Variants in USP12 observed in about 807,000 individuals in gnomAD.
The protein encoded by USP12 is ubiquitin specific peptidase 12.
Under a neutral mutation model 45.5 loss-of-function variants are expected in USP12, and 19 were observed. That is an observed-to-expected ratio of 0.42 (90% CI 0.29 to 0.61). The LOEUF is 0.61. Ranked by LOEUF, USP12 falls within the 20% of genes least tolerant of loss-of-function variation. USP12 has a pLI of 0.22. For missense variants in USP12, 242 were observed against 447.7 expected (o/e 0.54, Z 4.15); for synonymous variants, 149 against 148.8 (o/e 1.00, Z -0.01).
intron 6 of USP12, among the ~76,000 whole-genome samples, chr13:27,083,128 CCTGG>C (rs1380893279): frequency 6.6e-6 from 1 of 152,208 alleles, no homozygotes; most frequent in Non-Finnish European, 1.5e-5. Flanking sequence ...AGTCACTGCA[CCTGG>C]CTAAGTTCAT....
intron 1 of USP12, among the ~76,000 whole-genome samples, chr13:27,138,118 C>T (rs982051275): frequency 2.0e-5 from 3 of 152,232 alleles, no homozygotes; most frequent in African/African-American, 4.8e-5. Context: ...GCAGAGGGCA[C>T]GGCTTACCTA....
At chr13:27,088,517 A>G (rs1057125463) in intron 6 of USP12, among the ~76,000 whole-genome samples, 1 of 152,092 alleles carries the variant, frequency 6.6e-6, no homozygotes, top group African/African-American at 2.4e-5. Flanking sequence ...TTGCCAAATA[A>G]TAAGTGTCTC....
At chr13:27,144,345 A>G (rs925605720) in intron 1 of USP12, among the ~76,000 whole-genome samples, 4 of 152,038 alleles carry the variant, frequency 2.6e-5, no homozygotes, top group African/African-American at 4.8e-5. Flanking sequence ...AAAATAAAGT[A>G]TTAGCCAGGC....
chr13:27,123,581 G>A (rs1488035467), intron 1 of USP12, among the ~76,000 whole-genome samples: 1 of 152,198 alleles, frequency 6.6e-6, no homozygotes, highest in African/African-American at 2.4e-5. Flanking sequence ...CCCAGTAGGA[G>A]GTAACTGAAT....
chr13:27,072,883 A>C (rs1368866786), intron 7 of USP12, among the ~76,000 whole-genome samples: 1 of 152,226 alleles, frequency 6.6e-6, no homozygotes. Flanking sequence ...CCACACTTTC[A>C]TATGAAGCAA....
intron 3 of USP12, among the ~76,000 whole-genome samples, chr13:27,102,010 T>TGAA (rs56673711): frequency 0.084 from 8,625 of 103,208 alleles, 652 homozygotes; most frequent in African/African-American, 0.24. Flanking sequence ...TTCCCATTTT[T>TGAA]TAATGAATGA....
At chr13:27,140,787 A>G (rs897644495) in intron 1 of USP12, among the ~76,000 whole-genome samples, 1 of 152,070 alleles carries the variant, frequency 6.6e-6, no homozygotes, top group East Asian at 1.9e-4. Context: ...CAAAATATTC[A>G]TTTGCTCTAA....
chr13:27,066,436 T>A lies in USP12; in HGVS notation c.*2847A>T, dbSNP rs1872995732. 2.0e-5 allele frequency: 3 copies of A among 152,120 alleles called. No individual in the cohort carries two copies. The highest frequency in any genetic ancestry group is 2.0e-4 in the Admixed American group (3 of 15,256). The allele number at this position is 152,120 out of a possible 1,614,324, so 9.4% of individuals were successfully genotyped here. A position where few individuals can be genotyped will look rare whatever the true frequency, so the allele number is the denominator to read the frequency against. On this transcript the variant is annotated 3_prime_UTR_variant, in exon 9 of 9. Coordinates refer to ENST00000282344, the MANE Select transcript of USP12 (RefSeq NM_182488.4). ...ATGATAGAATCTTTAATAAAAAGTG[T>A]TTTTAAAGAAAGTATCAAGAGTAGT...
At chr13:27,170,928 T>C (rs1311418505) in intron 1 of USP12, among the ~76,000 whole-genome samples, 1 of 152,160 alleles carries the variant, frequency 6.6e-6, no homozygotes, top group East Asian at 1.9e-4. Flanking sequence ...CAGTACTTAT[T>C]TAAAGTTTCC....
At chr13:27,091,676 G>C (rs1322171878) in intron 4 of USP12, among the ~76,000 whole-genome samples, 1 of 152,126 alleles carries the variant, frequency 6.6e-6, no homozygotes, top group African/African-American at 2.4e-5. Flanking sequence ...TAATAAAATG[G>C]AACATGATCA....
At position 27,142,328 on chromosome 13, in the gene USP12, C is replaced by T. The variant is rs9581813; in HGVS notation, c.49-25732G>A. ...CCAAGTCGATAAAGACGAAAAAAGG[C>T]GGAAGAATAATGATGAAAAGACACT... On this transcript the variant is annotated intron_variant, in intron 1 of 8. Coordinates refer to ENST00000282344, the MANE Select transcript of USP12 (RefSeq NM_182488.4). 4.9e-3 allele frequency among the ~76,000 whole-genome samples: 742 copies of T among 152,030 alleles called. 2 individuals carry two copies. Among genetic ancestry groups the T allele is most frequent in the Non-Finnish European group, 6.6e-3 (448 of 67,984 alleles).
chr13:27,137,365 G>A (rs1289220306), intron 1 of USP12, among the ~76,000 whole-genome samples: 1 of 152,010 alleles, frequency 6.6e-6, no homozygotes, highest in East Asian at 1.9e-4. Flanking sequence ...AAAAGACTCA[G>A]TTATCAATGA....
intron 1 of USP12, 108 bp downstream of exon 1, chr13:27,171,484 C>A (rs1878613325): frequency 6.8e-6 from 1 of 147,218 alleles, no homozygotes; most frequent in South Asian, 1.9e-4. Flanking sequence ...CCCGCCCGCC[C>A]GCCCCGGCGC....
chr13:27,102,670 T>C (rs754685499), intron 3 of USP12, among the ~76,000 whole-genome samples: 4 of 152,242 alleles, frequency 2.6e-5, no homozygotes, highest in Non-Finnish European at 5.9e-5. Context: ...ATCAGGGACA[T>C]TTCCCAATGA....
rs1411289605 is a variant in USP12 at position 27,068,997 on chromosome 13, GC to G, written c.*285del. ...TTGGTGCAATTAATAAAGAGAAAATGCGTGCCAATGACTGGAAGGCTGTTTT... is the reference window on the plus strand; with the variant it reads ...TTGGTGCAATTAATAAAGAGAAAATGGTGCCAATGACTGGAAGGCTGTTTT... On this transcript the variant is annotated 3_prime_UTR_variant, in exon 9 of 9. Coordinates refer to ENST00000282344, the MANE Select transcript of USP12 (RefSeq NM_182488.4). The G allele has an allele frequency of 4.7e-6, 2 of 421,716 alleles. No individual in the cohort carries two copies. Among genetic ancestry groups the G allele is most frequent in the African/African-American group, 2.0e-5 (1 of 49,310 alleles). The allele number at this position is 421,716 out of a possible 1,614,324, so 26.1% of individuals were successfully genotyped here.
intron 1 of USP12, among the ~76,000 whole-genome samples, chr13:27,144,518 A>G (rs1173740717): frequency 6.7e-6 from 1 of 149,862 alleles, no homozygotes; most frequent in East Asian, 2.1e-4. Flanking sequence ...AAAAAAAAAA[A>G]AAGGTGGTAG....
chr13:27,115,079 A>C (rs537387780), intron 2 of USP12, among the ~76,000 whole-genome samples: 1 of 152,248 alleles, frequency 6.6e-6, no homozygotes, highest in East Asian at 1.9e-4. Flanking sequence ...GCCCCTGTAG[A>C]TATGTTAATT....
chr13:27,163,105 A>T (rs9512564), intron 1 of USP12, among the ~76,000 whole-genome samples: 67,884 of 151,904 alleles, frequency 0.45, 16,276 homozygotes, highest in East Asian at 0.8. Flanking sequence ...AATACAAGCA[A>T]ATTTTGAAAA....
intron 1 of USP12, among the ~76,000 whole-genome samples, chr13:27,140,502 A>T (rs990245624): frequency 1.6e-4 from 24 of 152,310 alleles, no homozygotes; most frequent in Middle Eastern, 6.8e-3. Context: ...GCACAATAAC[A>T]ATAGTGTAAT....
Sources: allele counts gnomAD v4.1 joint callset (sites outside exome capture counted in the v4.1 genomes callset), GRCh38; gene constraint gnomAD v4.1.1; transcripts MANE v1.5; gene names NCBI Gene and HGNC (gene_info 2026-07-23, HGNC 2026-07-21).